CUX1: variants seen among roughly 807,000 people sequenced by gnomAD.
CUX1 encodes the protein cut like homeobox 1.
Under a neutral mutation model 158.8 loss-of-function variants are expected in CUX1, and 31 were observed. The ratio of observed to expected loss-of-function variants is 0.20; its 90% confidence interval spans 0.15 to 0.26. The LOEUF (loss-of-function observed/expected upper bound fraction) is 0.26. CUX1 is among the 10% of genes least tolerant of loss of function. The pLI, the probability that CUX1 is intolerant of heterozygous loss-of-function variation, is 1.00. For missense variants in CUX1, 1,589 were observed against 2,014.6 expected (o/e 0.79, Z 4.04); for synonymous variants, 879 against 862.1 (o/e 1.02, Z -0.34).
chr7:101,971,200 A>G (rs2129192803), intron 2 of CUX1, among the ~76,000 whole-genome samples: 1 of 152,328 alleles, frequency 6.6e-6, no homozygotes, highest in African/African-American at 2.4e-5. Context: ...GTGACCCTAC[A>G]GCCATGCCCT....
chr7:102,271,162 G>A (rs532353807), intron 14 of CUX1, among the ~76,000 whole-genome samples: 84 of 152,156 alleles, frequency 5.5e-4, no homozygotes, highest in Non-Finnish European at 1.0e-3. Flanking sequence ...CTCTGCAAAG[G>A]TTCTCCATCT....
rs7793881 is a variant in CUX1 at position 102,020,896 on chromosome 7, A to T, written c.142-7202A>T. On this transcript the variant is annotated intron_variant, in intron 2 of 23. Coordinates refer to ENST00000292535, the MANE Select transcript of CUX1 (RefSeq NM_181552.4). The stretch of plus-strand genomic sequence containing the variant: ...ACTCGGTTTGGAAAAAAAAAAAAAA[A>T]AGAAATTACAAAGTGAGCTAAGACC... 6.2e-3 allele frequency among the ~76,000 whole-genome samples: 943 copies of T among 152,044 alleles called. 8 individuals carry two copies. Among genetic ancestry groups the T allele is most frequent in the African/African-American group, 0.022 (907 of 41,488 alleles).
intron 8 of CUX1, among the ~76,000 whole-genome samples, chr7:102,117,093 T>C (rs762508308): frequency 5.9e-4 from 89 of 151,864 alleles, no homozygotes; most frequent in Non-Finnish European, 1.1e-3. Flanking sequence ...GGCACTCCCA[T>C]TGGGATAGTC....
intron 2 of CUX1, among the ~76,000 whole-genome samples, chr7:101,958,370 TGCAGCAGCA>T (rs10564479): frequency 1.3e-5 from 2 of 150,944 alleles, no homozygotes; most frequent in South Asian, 2.1e-4. Context: ...GGCCTGAAGC[TGCAGCAGCA>T]GCAGCAGCAG....
At chr7:102,277,954 C>A (rs782677125) in exon 18 of CUX1, 8 of 1,384,324 alleles carry the variant, frequency 5.8e-6, no homozygotes, top group Admixed American at 4.7e-5. Flanking sequence ...CCCAGGAGAA[C>A]CGCCTGGCCC....
intron 2 of CUX1, among the ~76,000 whole-genome samples, chr7:101,986,904 T>C (rs1814386789): frequency 6.6e-6 from 1 of 152,132 alleles, no homozygotes; most frequent in African/African-American, 2.4e-5. Flanking sequence ...CCCTGTGGCC[T>C]GAAGGACAAG....
At chr7:101,953,117 T>A (rs984758340) in intron 2 of CUX1, among the ~76,000 whole-genome samples, 1 of 152,158 alleles carries the variant, frequency 6.6e-6, no homozygotes. Context: ...GGGTTCCTGA[T>A]TCTCTGCGGT....
At chr7:102,031,591 AAAAG>A (rs149700873) in intron 3 of CUX1, among the ~76,000 whole-genome samples, 134 of 151,826 alleles carry the variant, frequency 8.8e-4, no homozygotes, top group African/African-American at 2.4e-3. Context: ...TTGAACCCAC[AAAAG>A]AAAGGTAATT....
intron 14 of CUX1, 115 bp from the exon 15 acceptor site, chr7:102,196,519 C>T (rs1794811129): frequency 1.0e-6 from 1 of 1,004,172 alleles, no homozygotes; most frequent in Admixed American, 3.0e-5. Context: ...GTAAAAAAAA[C>T]CTGCACTTTT....
At chr7:102,038,937 C>A (rs1821743794) in intron 3 of CUX1, among the ~76,000 whole-genome samples, 1 of 152,068 alleles carries the variant, frequency 6.6e-6, no homozygotes, top group African/African-American at 2.4e-5. Flanking sequence ...AGAGCCAGAC[C>A]CTATTTTAAA....
At chr7:101,923,093 T>C (rs1338342251) in intron 2 of CUX1, among the ~76,000 whole-genome samples, 2 of 152,156 alleles carry the variant, frequency 1.3e-5, no homozygotes, top group African/African-American at 2.4e-5. Context: ...GTCTGCAGCA[T>C]GTCTGACCTG....
At chr7:102,024,625 C>T (rs1266987846) in intron 2 of CUX1, among the ~76,000 whole-genome samples, 1 of 152,200 alleles carries the variant, frequency 6.6e-6, no homozygotes, top group African/African-American at 2.4e-5. Context: ...GCGTGCCCAG[C>T]CATAGCTATT....
At chr7:102,217,763 G>A (rs1554525419) in intron 20 of CUX1, among the ~76,000 whole-genome samples, 1 of 150,812 alleles carries the variant, frequency 6.6e-6, no homozygotes, top group East Asian at 2.0e-4. Flanking sequence ...CTGGATGGAT[G>A]TGATGGTGTC....
chr7:101,817,585 A>C (rs1792004510), upstream of CUX1: 9 of 1,523,298 alleles, frequency 5.9e-6, no homozygotes, highest in Non-Finnish European at 7.9e-6. The surrounding 1 kb of genome is among the most constrained non-coding windows in gnomAD (Gnocchi z 4.1). Flanking sequence ...TCCGCCCCGC[A>C]CGTGCCAGCT....
chr7:101,824,702 C>G (rs1584657716), intron 1 of CUX1: 1 of 152,088 alleles, frequency 6.6e-6, no homozygotes, highest in Non-Finnish European at 1.5e-5. Flanking sequence ...CCTGCCCTGC[C>G]AAGCCTGTCC....
chr7:102,263,884 G>A (rs1790604920), intron 14 of CUX1, among the ~76,000 whole-genome samples: 1 of 151,680 alleles, frequency 6.6e-6, no homozygotes, highest in African/African-American at 2.4e-5. Context: ...GTAGAGACGG[G>A]GTTCACCATA....
Position 102,248,337 on chromosome 7 carries a change from T to C in CUX1, c.3888-75T>C. ...GGAGCAGGAGCCCCAGAGAGAGGGG[T>C]CTGGCTGGGGTAGCACCAGAGGCCC... On this transcript the variant is annotated intron_variant, in intron 23 of 23. Coordinates refer to ENST00000292535, the MANE Select transcript of CUX1 (RefSeq NM_181552.4). The surrounding 1 kb of genome is among the most constrained non-coding windows in gnomAD (Gnocchi z 5.8). The C allele has an allele frequency of 7.3e-7, 1 of 1,364,076 alleles. No individual in the cohort carries two copies. The highest frequency in any genetic ancestry group is 1.3e-5 in the South Asian group (1 of 75,788). The allele number at this position is 1,364,076 out of a possible 1,614,324, so 84.5% of individuals were successfully genotyped here.
At chr7:101,888,617 TCTCA>T (rs1800513904) in intron 1 of CUX1, among the ~76,000 whole-genome samples, 1 of 151,984 alleles carries the variant, frequency 6.6e-6, no homozygotes, top group South Asian at 2.1e-4. Context: ...TGAGACAGAG[TCTCA>T]CTCTGTCACC....
chr7:102,060,693 A>G (rs960491395), intron 3 of CUX1, among the ~76,000 whole-genome samples: 8 of 148,832 alleles, frequency 5.4e-5, no homozygotes, highest in Non-Finnish European at 1.0e-4. Flanking sequence ...GGTCACTGCA[A>G]CCTCCACCTT....
Sources: allele counts gnomAD v4.1 joint callset (sites outside exome capture counted in the v4.1 genomes callset), GRCh38; gene constraint gnomAD v4.1.1; non-coding constraint Gnocchi (gnomAD v3.1); transcripts MANE v1.5; gene names NCBI Gene and HGNC (gene_info 2026-07-23, HGNC 2026-07-21).